Variants in STEAP1B observed in about 807,000 individuals in gnomAD.
STEAP1B encodes the protein STEAP family protein MGC87042.
Under a neutral mutation model 27.9 loss-of-function variants are expected in STEAP1B, and 13 were observed. That is an observed-to-expected ratio of 0.47 (90% CI 0.30 to 0.74). The LOEUF (loss-of-function observed/expected upper bound fraction) is 0.74. Among genes scored for constraint, STEAP1B ranks in the 30% least tolerant of loss-of-function variants. STEAP1B has a pLI of 0.06. For synonymous variants in STEAP1B, 86 were observed against 107.1 expected, an observed-to-expected ratio of 0.80 and a Z score of 1.22; for missense variants, 250 against 298.7, an observed-to-expected ratio of 0.84 and a Z score of 1.20.
intron 4 of STEAP1B, among the ~76,000 whole-genome samples, chr7:22,444,424 T>TAA (rs11332138): frequency 0.041 from 6,063 of 149,656 alleles, 207 homozygotes; most frequent in East Asian, 0.18. Flanking sequence ...TTCCCTGTTT[T>TAA]AAAAAAAAAA....
At position 22,446,780 on chromosome 7, in the gene STEAP1B, T is replaced by G. The variant is rs148185282; in HGVS notation, c.763-26944A>C. 5.9e-5 allele frequency among the ~76,000 whole-genome samples: 9 copies of G among 152,298 alleles called. No individual in the cohort carries two copies. In the East Asian group the frequency reaches 1.7e-3, roughly 29 times the overall value. ...TCAAGCCTGGTCCCAAGTTGAACCC[T>G]CCCTGAACCTCAGTATTTTCATCTG... On this transcript the variant is annotated intron_variant, in intron 4 of 4. Coordinates refer to ENST00000678116, the MANE Select transcript of STEAP1B (RefSeq NM_001382447.1).
At chr7:22,426,823 C>T (rs1409907297) in intron 4 of STEAP1B, among the ~76,000 whole-genome samples, 2 of 152,148 alleles carry the variant, frequency 1.3e-5, no homozygotes, top group Admixed American at 6.6e-5. Context: ...AAAAAGGATA[C>T]GTCAGGCAAT....
intron 4 of STEAP1B, among the ~76,000 whole-genome samples, chr7:22,461,455 G>C (rs1034699082): frequency 2.0e-5 from 3 of 152,084 alleles, no homozygotes; most frequent in Non-Finnish European, 4.4e-5. Flanking sequence ...TAGAGAGGGG[G>C]TTTCACCATG....
intron 1 of STEAP1B, 111 bp from the exon 2 acceptor site, chr7:22,494,997 A>G: frequency 1.9e-6 from 1 of 536,024 alleles, no homozygotes; most frequent in Non-Finnish European, 3.2e-6. Context: ...CAGATAAAGT[A>G]CAATAAAAAT....
intron 4 of STEAP1B, among the ~76,000 whole-genome samples, chr7:22,467,167 C>T (rs1785799793): frequency 1.3e-5 from 2 of 152,152 alleles, no homozygotes; most frequent in African/African-American, 4.8e-5. Context: ...TCTCCCTTTG[C>T]CAATTTTATT....
chr7:22,479,942 T>C (rs1171680826), intron 4 of STEAP1B, among the ~76,000 whole-genome samples: 1 of 152,038 alleles, frequency 6.6e-6, no homozygotes, highest in Non-Finnish European at 1.5e-5. Flanking sequence ...TATAAAATGA[T>C]TAGAATTAAA....
In STEAP1B at chr7:22,493,415, A is replaced by T. The variant is rs1482407176; in HGVS notation, c.506T>A (p.Leu169Ter). 1 of 1,614,068 alleles carries T rather than the reference A, an allele frequency of 6.2e-7. No homozygotes were observed. The highest frequency in any genetic ancestry group is 1.7e-5 in the Admixed American group (1 of 60,028). ...AATTGCATGCAGTACAGCAAAAAAC[A>T]AACTGAGAAGCCCAAACTGCTTTCT... is the stretch of plus-strand genomic sequence containing the variant. ...LTRKQFGLLS[L>*]FFAVLHAIYT... The change falls in exon 3 of 5, where the codon TTG (leucine) becomes TAG (stop). Residue 169 changes from leucine to a stop codon, truncating the protein, a stop_gained. Coordinates refer to ENST00000678116, the MANE Select transcript of STEAP1B (RefSeq NM_001382447.1). LOFTEE classifies it high-confidence loss of function.
chr7:22,486,666 C>A (rs573475382), intron 4 of STEAP1B, among the ~76,000 whole-genome samples: 1 of 152,120 alleles, frequency 6.6e-6, no homozygotes, highest in Non-Finnish European at 1.5e-5. Flanking sequence ...CTACCTCAGG[C>A]AATCTCCACA....
At chr7:22,434,065 G>A (rs779959559) in intron 4 of STEAP1B, among the ~76,000 whole-genome samples, 12 of 152,176 alleles carry the variant, frequency 7.9e-5, no homozygotes, top group Non-Finnish European at 1.5e-4. Context: ...AGAAGCACAA[G>A]GGTCACCGGT....
At chr7:22,448,841 G>A (rs145873863) in intron 4 of STEAP1B, among the ~76,000 whole-genome samples, 2 of 152,282 alleles carry the variant, frequency 1.3e-5, no homozygotes, top group South Asian at 4.1e-4. Flanking sequence ...CAGCTGGAAG[G>A]CTGCTTCCCT....
At chr7:22,467,649 C>T (rs1369431013) in intron 4 of STEAP1B, among the ~76,000 whole-genome samples, 1 of 152,044 alleles carries the variant, frequency 6.6e-6, no homozygotes, top group Non-Finnish European at 1.5e-5. Flanking sequence ...AAGGGGAAAC[C>T]CCTTTTGCTT....
intron 4 of STEAP1B, among the ~76,000 whole-genome samples, chr7:22,461,312 G>A (rs571135027): frequency 8.5e-5 from 13 of 152,266 alleles, no homozygotes; most frequent in Non-Finnish European, 1.6e-4. Context: ...GCCCAGGCTA[G>A]AGTGCAATGG....
intron 4 of STEAP1B, among the ~76,000 whole-genome samples, chr7:22,441,161 C>T (rs1420154940): frequency 6.6e-6 from 1 of 151,816 alleles, no homozygotes; most frequent in Non-Finnish European, 1.5e-5. Flanking sequence ...TAGTCAATTC[C>T]TAGTTTCAAA....
At chr7:22,462,993 C>G (rs1043440743) in intron 4 of STEAP1B, among the ~76,000 whole-genome samples, 6 of 148,974 alleles carry the variant, frequency 4.0e-5, no homozygotes, top group African/African-American at 1.5e-4. Flanking sequence ...TGATGGTGAG[C>G]ATTTTTTCAT....
intron 4 of STEAP1B, chr7:22,438,870 G>C: frequency 1.6e-6 from 2 of 1,233,682 alleles, no homozygotes. Context: ...TTTATAAAAT[G>C]GGATAAAATC....
chr7:22,454,865 AT>A (rs367804282), intron 4 of STEAP1B, among the ~76,000 whole-genome samples: 14,058 of 125,814 alleles, frequency 0.11, 717 homozygotes, highest in Non-Finnish European at 0.12. Flanking sequence ...ATATATATAT[AT>A]TTTTTTTTTT....
intron 4 of STEAP1B, among the ~76,000 whole-genome samples, chr7:22,464,829 C>G (rs1414894218): frequency 1.3e-5 from 2 of 150,372 alleles, no homozygotes; most frequent in Non-Finnish European, 3.0e-5. Flanking sequence ...GTTAAGACAC[C>G]AGTCTGGTAT....
chr7:22,457,194 T>C (rs61356873), intron 4 of STEAP1B, among the ~76,000 whole-genome samples: 178 of 151,722 alleles, frequency 1.2e-3, no homozygotes, highest in African/African-American at 4.0e-3. Context: ...AGGGTAGATT[T>C]AGGCTTCTGG....
At chr7:22,450,321 A>C (rs1314653129) in intron 4 of STEAP1B, among the ~76,000 whole-genome samples, 1 of 152,202 alleles carries the variant, frequency 6.6e-6, no homozygotes, top group Non-Finnish European at 1.5e-5. Flanking sequence ...TTAGATTTAA[A>C]TGTCTAATCC....
Sources: allele counts gnomAD v4.1 joint callset (sites outside exome capture counted in the v4.1 genomes callset), GRCh38; gene constraint gnomAD v4.1.1; transcripts MANE v1.5; gene names NCBI Gene and HGNC (gene_info 2026-07-23, HGNC 2026-07-21).